Variants in PPP1R12B observed in about 807,000 individuals in gnomAD.
The protein encoded by PPP1R12B is myosin phosphatase target subunit 2.
A neutral mutation model predicts 126.1 loss-of-function variants in PPP1R12B; 76 were observed. The ratio of observed to expected loss-of-function variants is 0.60; its 90% CI spans 0.50 to 0.73. The LOEUF is 0.73. PPP1R12B is among the 30% of genes least tolerant of loss of function. PPP1R12B has a pLI of 0.00. For missense variants in PPP1R12B, 1,052 were observed against 1,205.1 expected (o/e 0.87, Z 1.88); for synonymous variants, 356 against 434.7 (o/e 0.82, Z 2.25).
intron 18 of PPP1R12B, among the ~76,000 whole-genome samples, chr1:202,533,558 A>G (rs1684224864): frequency 6.6e-6 from 1 of 151,932 alleles, no homozygotes; most frequent in Admixed American, 6.6e-5. Context: ...GGCTCAAGAG[A>G]TTTGCTCTCC....
intron 1 of PPP1R12B, among the ~76,000 whole-genome samples, chr1:202,396,414 ACATT>A (rs1350788147): frequency 1.3e-5 from 2 of 152,160 alleles, no homozygotes; most frequent in African/African-American, 2.4e-5. Flanking sequence ...TAATTCACTG[ACATT>A]CATTATGTGG....
intron 16 of PPP1R12B, 34 bp from the exon 17 acceptor site, chr1:202,495,536 C>T (rs531120059): frequency 6.2e-7 from 1 of 1,611,908 alleles, no homozygotes; most frequent in South Asian, 1.1e-5. Context: ...TCCCCAGATT[C>T]TTAAAGTTCA....
At chr1:202,443,748 C>T (rs550814294) in intron 12 of PPP1R12B, among the ~76,000 whole-genome samples, 96 of 152,268 alleles carry the variant, frequency 6.3e-4, no homozygotes, top group African/African-American at 2.1e-3. Flanking sequence ...TCTAAGAAAA[C>T]AATGTTCTAG....
chr1:202,490,354 T>C (rs1678697411), intron 14 of PPP1R12B, among the ~76,000 whole-genome samples: 2 of 152,176 alleles, frequency 1.3e-5, no homozygotes, highest in Non-Finnish European at 2.9e-5. Flanking sequence ...CTTCTTTGAC[T>C]CTCCCAAAGT....
chr1:202,415,448 G>GT (rs1256425892), intron 1 of PPP1R12B, among the ~76,000 whole-genome samples: 1 of 152,178 alleles, frequency 6.6e-6, no homozygotes, highest in Non-Finnish European at 1.5e-5. Context: ...TTTTAGCCTT[G>GT]TTTTTTAAAG....
chr1:202,415,406 C>A (rs2148613636), intron 1 of PPP1R12B, among the ~76,000 whole-genome samples: 2 of 152,186 alleles, frequency 1.3e-5, no homozygotes, highest in South Asian at 2.1e-4. Flanking sequence ...TATGAAAATC[C>A]TTTGATTTGG....
chr1:202,552,928 G>A (rs1686470667), intron 18 of PPP1R12B, among the ~76,000 whole-genome samples: 1 of 152,146 alleles, frequency 6.6e-6, no homozygotes, highest in Non-Finnish European at 1.5e-5. Flanking sequence ...TAACTTTCAA[G>A]TTAAAAGTTT....
At chr1:202,525,262 C>T (rs1308809869) in intron 18 of PPP1R12B, among the ~76,000 whole-genome samples, 1 of 152,008 alleles carries the variant, frequency 6.6e-6, no homozygotes, top group Non-Finnish European at 1.5e-5. Context: ...TACAGATCTG[C>T]CAAAATGCTG....
Position 202,500,945 on chromosome 1 carries a change from G to T in PPP1R12B, c.2490+4123G>T, listed in dbSNP as rs1400288959. On this transcript the variant is annotated intron_variant, in intron 18 of 23. Coordinates refer to ENST00000608999, the MANE Select transcript of PPP1R12B (RefSeq NM_002481.4). ...CAAGGAACATGCTTAGAAGGCTGGG[G>T]ACCCTACTTAAGCCCAACATAGTGC... 4.6e-5 allele frequency among the ~76,000 whole-genome samples: 7 copies of T among 152,176 alleles called. No homozygotes were observed. The East Asian group carries it at 1.3e-3, about 29-fold the overall frequency.
chr1:202,468,210 C>T (rs1431259593), intron 13 of PPP1R12B, among the ~76,000 whole-genome samples: 1 of 152,114 alleles, frequency 6.6e-6, no homozygotes, highest in Non-Finnish European at 1.5e-5. Flanking sequence ...TTTTGCTGTG[C>T]AGAAGCTCTT....
chr1:202,490,914 T>C (rs546343507), intron 14 of PPP1R12B, among the ~76,000 whole-genome samples: 3 of 152,350 alleles, frequency 2.0e-5, no homozygotes, highest in African/African-American at 7.2e-5. Context: ...AATGCTGCTA[T>C]GAGAATGGCT....
chr1:202,350,573 T>C (rs1655753137), intron 1 of PPP1R12B, among the ~76,000 whole-genome samples: 1 of 152,060 alleles, frequency 6.6e-6, no homozygotes, highest in African/African-American at 2.4e-5. Context: ...TTCTAAACTT[T>C]AAATTTCTGA....
Position 202,590,566 on chromosome 1 carries a change from AAAC to A in PPP1R12B, c.*10010_*10012del, listed in dbSNP as rs1287095052. On this transcript the variant is annotated 3_prime_UTR_variant, in exon 24 of 24. Coordinates refer to ENST00000608999, the MANE Select transcript of PPP1R12B (RefSeq NM_002481.4). ...CCTCACCCCCACCTCAGCGCAGCAA[AAAC>A]AACCAGAGACACCCCCCACCCCCAG... 1.3e-5 allele frequency: 2 copies of A among 151,260 alleles called. No individual in the cohort carries two copies. The highest frequency in any genetic ancestry group is 6.6e-5 in the Admixed American group (1 of 15,186). 9.4% of individuals were successfully genotyped at this position (151,260 alleles called of 1,614,324 possible). A position where few individuals can be genotyped will look rare whatever the true frequency, so the allele number is the denominator to read the frequency against.
chr1:202,380,984 G>A (rs772330038), intron 1 of PPP1R12B, among the ~76,000 whole-genome samples: 7 of 152,116 alleles, frequency 4.6e-5, no homozygotes, highest in Admixed American at 1.3e-4. Context: ...GACTACCCAC[G>A]TTCTCTTTCT....
At chr1:202,538,292 G>T (rs760750865) in intron 18 of PPP1R12B, among the ~76,000 whole-genome samples, 2 of 152,206 alleles carry the variant, frequency 1.3e-5, no homozygotes, top group Non-Finnish European at 2.9e-5. Context: ...ATTGCACCTG[G>T]CAACAGTTGG....
At chr1:202,352,899 A>AAAAAG (rs1470619825) in intron 1 of PPP1R12B, among the ~76,000 whole-genome samples, 6 of 143,388 alleles carry the variant, frequency 4.2e-5, no homozygotes, top group African/African-American at 1.3e-4. Flanking sequence ...AAAAAAAAAG[A>AAAAAG]AAAAAGAAAT....
chr1:202,543,128 G>A (rs560015617), intron 18 of PPP1R12B, among the ~76,000 whole-genome samples: 1 of 151,984 alleles, frequency 6.6e-6, no homozygotes, highest in Non-Finnish European at 1.5e-5. Context: ...TGTACCCTTT[G>A]TCAAATGTTC....
intron 11 of PPP1R12B, 28 bp from the exon 12 acceptor site, chr1:202,442,419 G>C (rs1349527333): frequency 1.3e-6 from 2 of 1,598,412 alleles, no homozygotes; most frequent in Non-Finnish European, 1.7e-6. Flanking sequence ...AGGAATCAGT[G>C]TTTTGTTTTC....
intron 1 of PPP1R12B, among the ~76,000 whole-genome samples, chr1:202,363,618 C>G (rs146922114): frequency 3.4e-4 from 52 of 152,268 alleles, no homozygotes; most frequent in Non-Finnish European, 6.5e-4. Context: ...GGGTGAAAGA[C>G]TATTATAGGA....
Sources: gnomAD v4.1 joint callset for allele counts (sites outside exome capture counted in the v4.1 genomes callset) on GRCh38, gnomAD v4.1.1 for gene constraint, MANE v1.5 for transcripts, NCBI Gene and HGNC (gene_info 2026-07-23, HGNC 2026-07-21) for gene names.